The following ZFP64 variants were observed in gnomAD, a reference collection of about 807,000 sequenced individuals.
The protein encoded by ZFP64 is ZFP64 zinc finger protein, also known as zinc finger protein 64.
In ZFP64, 14 loss-of-function variants were observed where a neutral mutation model predicts 51.6. The observed-to-expected ratio is 0.27, with a 90% CI of 0.18 to 0.42. ZFP64 has a LOEUF of 0.42. Ranked by LOEUF, ZFP64 falls within the 10% of genes least tolerant of loss-of-function variation. The pLI is 1.00. For missense variants in ZFP64, 754 were observed against 906.8 expected (o/e 0.83, Z 2.16); for synonymous variants, 375 against 361.4 (o/e 1.04, Z -0.43).
chr20:52,088,094 A>T (rs1284362790), intron 8 of ZFP64, among the ~76,000 whole-genome samples: 1 of 152,194 alleles, frequency 6.6e-6, no homozygotes, highest in East Asian at 1.9e-4. Context: ...TTACTGAAAC[A>T]TCTAGTTTAT....
chr20:52,111,141 T>C, intron 5 of ZFP64: 1 of 714,598 alleles, frequency 1.4e-6, no homozygotes, highest in Non-Finnish European at 2.5e-6. Flanking sequence ...CATCGCCGGG[T>C]TCCGCGACGG....
rs565119432 is a variant in ZFP64 at position 52,190,892 on chromosome 20, G to C, written c.46+699C>G. 2.6e-5 allele frequency among the ~76,000 whole-genome samples: 4 copies of C among 152,212 alleles called. No homozygotes were observed. The South Asian group carries it at 8.3e-4, about 32-fold the overall frequency. On this transcript the variant is annotated intron_variant, in intron 1 of 5. Transcript: ENST00000216923. ...AGCGGATCCCCAGCCCCACCCCCGA[G>C]ATTGAATGGGTGGGGCCCAGAAAGC... is the stretch of plus-strand genomic sequence containing the variant.
At chr20:52,109,227 G>C (rs944594549) in intron 5 of ZFP64, among the ~76,000 whole-genome samples, 5 of 151,612 alleles carry the variant, frequency 3.3e-5, no homozygotes, top group African/African-American at 2.4e-5. Context: ...CTTGGCTCAC[G>C]ATCTTGGCTC....
chr20:52,152,310 C>A lies in ZFP64; in HGVS notation c.1882G>T (p.Val628Leu). 1 of 1,614,228 alleles carries A rather than the reference C, an allele frequency of 6.2e-7. No individual in the cohort carries two copies. Residue 628 changes from valine (V) to leucine (L), a missense_variant, in exon 6 of 6, where the codon GTG becomes TTG. By Grantham distance (32) the Val-to-Leu change is conservative. Coordinates refer to ENST00000216923, the MANE Select transcript of ZFP64 (RefSeq NM_018197.3). ...TGGCCTCCATCGCTCACCACTGTCA[C>A]TTCTGCTGTCCCCTCCTGAATCAAG... ...NALIQEGTAE[V>L]TVVSDGGQNI...
chr20:52,189,481 C>CT lies in ZFP64; in HGVS notation c.46+2109dup, dbSNP rs544103939. Reference sequence around the variant, plus strand: ...ACTAATCCTTTTCCTAATTTTTTTCCTTTTTTTTTTTGAGATGGAGTTTTG... The same window carrying CT: ...ACTAATCCTTTTCCTAATTTTTTTCCTTTTTTTTTTTTGAGATGGAGTTTTG... On this transcript the variant is annotated intron_variant, in intron 1 of 5. Transcript: ENST00000216923. 9.6e-3 allele frequency among the ~76,000 whole-genome samples: 1,382 copies of CT among 144,500 alleles called. 21 individuals are homozygous for CT. The highest frequency in any genetic ancestry group is 0.03 in the African/African-American group (1,180 of 39,766). 94.8% of individuals were successfully genotyped at this position (144,500 alleles called of 152,430 possible).
chr20:52,084,269 C>T (rs1203754010), exon 9 of ZFP64: 12 of 400,932 alleles, frequency 3.0e-5, no homozygotes, highest in Non-Finnish European at 4.4e-5. Flanking sequence ...TAGAAGCTAT[C>T]CCCATTGGAT....
At chr20:52,158,389 C>T (rs1259245328) in intron 5 of ZFP64, among the ~76,000 whole-genome samples, 2 of 152,100 alleles carry the variant, frequency 1.3e-5, no homozygotes, top group South Asian at 2.1e-4. Flanking sequence ...GGGATAAAGG[C>T]GGACTGTGGT....
chr20:52,091,945 G>T (rs544210417), intron 7 of ZFP64, among the ~76,000 whole-genome samples: 2 of 151,962 alleles, frequency 1.3e-5, no homozygotes, highest in South Asian at 4.2e-4. Flanking sequence ...AGCCAAGATT[G>T]CACCATTGCA....
At position 52,098,732 on chromosome 20, in the gene ZFP64, G is replaced by C. The variant is rs770267348; in HGVS notation, c.764-145C>G. The C allele has an allele frequency of 5.6e-6, 6 of 1,067,734 alleles. No individual in the cohort carries two copies. The African/African-American group carries it at 9.6e-5, about 17-fold the overall frequency. The allele number at this position is 1,067,734 out of a possible 1,614,324, so 66.1% of individuals were successfully genotyped here. A position where few individuals can be genotyped will look rare whatever the true frequency, so the allele number is the denominator to read the frequency against. ...AAATGAAAGCCATGTGACCAGGCGG[G>C]GTGGCTCATGCCTGTAATCCCAGCA... On this transcript the variant is annotated intron_variant, in intron 5 of 8. Transcript: ENST00000361387.
chr20:52,191,547 G>A lies in ZFP64; in HGVS notation c.46+44C>T. The A allele has an allele frequency of 1.3e-6, 2 of 1,519,890 alleles. No individual in the cohort carries two copies. The highest frequency in any genetic ancestry group is 1.8e-6 in the Non-Finnish European group (2 of 1,137,662). 94.2% of individuals were successfully genotyped at this position (1,519,890 alleles called of 1,614,324 possible). ...TGCTTGGGCCCGGGCCCCGGAGCGC[G>A]CACTGGGCCCCGGAGCGCGCACTGC... On this transcript the variant is annotated intron_variant, in intron 1 of 5. Transcript: ENST00000216923. This position sits in a 1 kb window ranked among gnomAD's most constrained non-coding sequence, Gnocchi z 4.3.
chr20:52,166,135 C>T (rs967467810), intron 2 of ZFP64, 110 bp from the exon 3 acceptor site: 7 of 1,154,822 alleles, frequency 6.1e-6, no homozygotes, highest in Non-Finnish European at 8.3e-6. Flanking sequence ...CTTTCCCAGC[C>T]TCCCTTGCGG....
downstream of ZFP64, among the ~76,000 whole-genome samples, chr20:52,150,204 CA>C (rs11474043): frequency 4.2e-4 from 58 of 137,504 alleles, no homozygotes; most frequent in South Asian, 4.8e-4. Flanking sequence ...GACTCCACCT[CA>C]AAAAAAAAAA....
chr20:52,147,736 C>T (rs1026746942), downstream of ZFP64, among the ~76,000 whole-genome samples: 8 of 152,040 alleles, frequency 5.3e-5, no homozygotes, highest in African/African-American at 4.8e-5. Flanking sequence ...AACACAGGAC[C>T]GGGCACCGTG....
Position 52,191,694 on chromosome 20 carries a change from T to C in ZFP64, c.-58A>G, listed in dbSNP as rs1449417339. 33 of 1,543,338 alleles carry C rather than the reference T, an allele frequency of 2.1e-5. 1 individual carries two copies. The South Asian group carries it at 3.8e-4, about 18-fold the overall frequency. ...GATGCCAAAGTGGGGGACGCTGATC[T>C]ACATGGTGCAAGGACTTTTCCTTTT... On this transcript the variant is annotated 5_prime_UTR_variant, in exon 1 of 6. The change abolishes the stop of an existing upstream ORF in the 5' untranslated region. Transcript: ENST00000216923. This position sits in a 1 kb window ranked among gnomAD's most constrained non-coding sequence, Gnocchi z 4.3.
intron 5 of ZFP64, among the ~76,000 whole-genome samples, chr20:52,114,722 A>G (rs980772365): frequency 3.9e-5 from 6 of 152,206 alleles, no homozygotes; most frequent in Non-Finnish European, 7.3e-5. Flanking sequence ...TGTCCTGCCA[A>G]TCTATCAATT....
intron 2 of ZFP64, among the ~76,000 whole-genome samples, chr20:52,167,925 T>C (rs1982414927): frequency 6.6e-6 from 1 of 152,222 alleles, no homozygotes; most frequent in Admixed American, 6.5e-5. Context: ...TATATTTCTT[T>C]GAATCTAAGA....
At chr20:52,106,245 G>A (rs1978315842) in intron 5 of ZFP64, among the ~76,000 whole-genome samples, 1 of 152,184 alleles carries the variant, frequency 6.6e-6, no homozygotes, top group African/African-American at 2.4e-5. Context: ...GATGAGACCC[G>A]AGGGAGACCC....
intron 5 of ZFP64, among the ~76,000 whole-genome samples, chr20:52,130,466 G>A (rs191556699): frequency 1.0e-3 from 158 of 152,026 alleles, no homozygotes; most frequent in Middle Eastern, 6.8e-3. Flanking sequence ...CTCCTGCCTC[G>A]GCCTCCCAAA....
rs770420229 is a variant in ZFP64 at position 52,191,667 on chromosome 20, G to C, written c.-31C>G. 31 of 1,571,040 alleles carry C rather than the reference G, an allele frequency of 2.0e-5. No homozygotes were observed. The East Asian group carries it at 7.2e-4, about 36-fold the overall frequency. ...CAGACTGGGAGGTCCCCGGCCGGCC[G>C]GGATGCCAAAGTGGGGGACGCTGAT... On this transcript the variant is annotated 5_prime_UTR_variant, in exon 1 of 6. Coordinates refer to ENST00000216923, the MANE Select transcript of ZFP64 (RefSeq NM_018197.3). The surrounding 1 kb of genome is among the most constrained non-coding windows in gnomAD (Gnocchi z 4.3).
Sources: gnomAD v4.1 joint callset for allele counts (sites outside exome capture counted in the v4.1 genomes callset) on GRCh38, gnomAD v4.1.1 for gene constraint, Gnocchi (gnomAD v3.1) non-coding constraint, MANE v1.5 for transcripts, NCBI Gene and HGNC (gene_info 2026-07-23, HGNC 2026-07-21) for gene names.